Variants in CES3 observed in about 807,000 individuals in gnomAD.
The protein encoded by CES3 is carboxylesterase 3 (brain).
CES3 carries 49 observed loss-of-function variants against 57.6 expected under a neutral mutation model. The observed-to-expected ratio is 0.85, with a 90% CI of 0.68 to 1.08. The LOEUF (loss-of-function observed/expected upper bound fraction) is 1.08, where lower values mean the gene tolerates loss of function less well. Ranked by LOEUF, CES3 falls within the 50% of genes least tolerant of loss-of-function variation. The probability of loss-of-function intolerance (pLI) is 0.00; values close to 1 mark genes in which losing one functional copy is unlikely to be tolerated. For missense variants in CES3, 645 were observed against 742.0 expected (o/e 0.87, Z 1.52); for synonymous variants, 266 against 281.6 (o/e 0.94, Z 0.55).
At position 66,963,716 on chromosome 16, in the gene CES3, A is replaced by G. The variant is rs1303320758; in HGVS notation, c.427-86A>G. 2.5e-6 allele frequency: 4 copies of G among 1,612,068 alleles called. No homozygotes were observed. Among genetic ancestry groups the G allele is most frequent in the Non-Finnish European group, 3.4e-6 (4 of 1,178,810 alleles). On this transcript the variant is annotated intron_variant, in intron 3 of 12. Transcript: ENST00000303334. This position sits in a 1 kb window ranked among gnomAD's most constrained non-coding sequence, Gnocchi z 4.9. ...CCCGTCCCTGTTTCCAAAGCACCCT[A>G]GCGGTCCTGAGACTGCCTGGGCTGG...
intron 9 of CES3, 59 bp downstream of exon 9, chr16:66,969,818 C>A (rs919794210): frequency 5.5e-6 from 8 of 1,443,600 alleles, no homozygotes; most frequent in Non-Finnish European, 5.7e-6. Context: ...TAGTGGGTAT[C>A]CCATCCAACA....
At chr16:66,969,373 T>C (rs1402614732) in intron 8 of CES3, among the ~76,000 whole-genome samples, 1 of 152,182 alleles carries the variant, frequency 6.6e-6, no homozygotes, top group Admixed American at 6.5e-5. Flanking sequence ...GCCACTGCAC[T>C]CCAGCCTGGG....
chr16:66,966,549 C>T (rs1597021255), intron 7 of CES3, 176 bp from the exon 8 acceptor site: 18 of 847,892 alleles, frequency 2.1e-5, no homozygotes, highest in South Asian at 3.4e-5. Flanking sequence ...AGAAACTGGA[C>T]GCATCTGTTG....
Position 66,963,657 on chromosome 16 carries a change from C to A in CES3, c.426+28C>A. 4.3e-6 allele frequency: 7 copies of A among 1,613,854 alleles called. No individual in the cohort carries two copies. The highest frequency in any genetic ancestry group is 1.1e-5 in the South Asian group (1 of 91,086). On this transcript the variant is annotated intron_variant, in intron 3 of 12. Coordinates refer to ENST00000303334, the MANE Select transcript of CES3 (RefSeq NM_024922.6). This position sits in a 1 kb window ranked among gnomAD's most constrained non-coding sequence, Gnocchi z 4.9. ...AGGCACCCCAGAGGGCCCTGTCCAC[C>A]TGATCCAGCTCCACTATGCCTACCT...
chr16:66,973,086 T>G lies in CES3; in HGVS notation c.*37T>G. 6.3e-7 allele frequency: 1 copy of G among 1,585,128 alleles called. No individual in the cohort carries two copies. Among genetic ancestry groups the G allele is most frequent in the Non-Finnish European group, 8.6e-7 (1 of 1,158,730 alleles). On this transcript the variant is annotated 3_prime_UTR_variant, in exon 13 of 13. Transcript: ENST00000303334. ...AACCTTCTTGGCTGGGGCAAACCACTCTTCAAGTGGTGGCAGAGTCCCAGC... is the reference window on the plus strand; with the variant it reads ...AACCTTCTTGGCTGGGGCAAACCACGCTTCAAGTGGTGGCAGAGTCCCAGC...
In CES3 at chr16:66,973,515, G is replaced by C. The variant is rs1963880772; in HGVS notation, c.*466G>C. On this transcript the variant is annotated 3_prime_UTR_variant, in exon 13 of 13. Coordinates refer to ENST00000303334, the MANE Select transcript of CES3 (RefSeq NM_024922.6). ...CAGGATCGGGTGGGACCTGGAGCTA[G>C]GGGGTGTTTGCTGAGTGAGTGAGTG... is the stretch of plus-strand genomic sequence containing the variant. The C allele has an allele frequency of 6.3e-6, 1 of 157,948 alleles. No individual in the cohort carries two copies. Among genetic ancestry groups the C allele is most frequent in the South Asian group, 1.9e-4 (1 of 5,272 alleles). The allele number at this position is 157,948 out of a possible 1,614,324, so 9.8% of individuals were successfully genotyped here.
At chr16:66,969,947 G>C (rs1963802337) in intron 9 of CES3, among the ~76,000 whole-genome samples, 188 bp downstream of exon 9, 1 of 152,062 alleles carries the variant, frequency 6.6e-6, no homozygotes, top group African/African-American at 2.4e-5. Flanking sequence ...AGCCAGTGTG[G>C]TTCTCAAAGG....
At chr16:66,966,471 G>A in intron 7 of CES3, 126 bp downstream of exon 7, 1 of 974,902 alleles carries the variant, frequency 1.0e-6, no homozygotes, top group Non-Finnish European at 1.5e-6. Context: ...TGAGGGGAAG[G>A]GGCTGAGGGC....
chr16:66,967,679 AC>A (rs1963755779), intron 8 of CES3: 18 of 969,512 alleles, frequency 1.9e-5, no homozygotes, highest in Non-Finnish European at 2.2e-5. Flanking sequence ...CATTTTCTTC[AC>A]TTTTCTTTTT....
chr16:66,967,662 C>A (rs1158362865), intron 8 of CES3: 1 of 985,050 alleles, frequency 1.0e-6, no homozygotes, highest in African/African-American at 1.7e-5. Context: ...CCCATCTTCA[C>A]AGCAATCATT....
chr16:66,968,211 G>GTGCAA (rs1963768682), intron 8 of CES3, among the ~76,000 whole-genome samples: 2 of 152,158 alleles, frequency 1.3e-5, no homozygotes, highest in South Asian at 4.1e-4. Context: ...CCAGGGTGGA[G>GTGCAA]TGCAATGGCG....
intron 9 of CES3, 92 bp downstream of exon 9, chr16:66,969,851 C>A: frequency 8.8e-7 from 1 of 1,133,112 alleles, no homozygotes; most frequent in Non-Finnish European, 1.3e-6. Context: ...CCCCTACCTT[C>A]CGACACCCAC....
rs375441272 is a variant in CES3 at position 66,972,532 on chromosome 16, T to C, written c.1441+27T>C. 795 of 1,606,872 alleles carry C rather than the reference T, an allele frequency of 4.9e-4. 1 individual carries two copies. The highest frequency in any genetic ancestry group is 6.3e-4 in the Non-Finnish European group (746 of 1,175,840). ...TGAGGACAGACAGACAGACATGTGA[T>C]CCCTAGGCTGCCAGACTCCAAGGGG... On this transcript the variant is annotated intron_variant, in intron 11 of 12. Transcript: ENST00000303334.
rs766704739 is a variant in CES3, at chr16:66,963,465, G to C, written c.288-26G>C. ...TGGGGCTTGTGGGGCTGAACAGCTG[G>C]ACCTCAGGCCCACCCTTGGCCACAG... On this transcript the variant is annotated intron_variant, in intron 2 of 12. Coordinates refer to ENST00000303334, the MANE Select transcript of CES3 (RefSeq NM_024922.6). The surrounding 1 kb of genome is among the most constrained non-coding windows in gnomAD (Gnocchi z 4.9). The C allele has an allele frequency of 1.2e-6, 2 of 1,609,334 alleles. No individual in the cohort carries two copies. Among genetic ancestry groups the C allele is most frequent in the Admixed American group, 3.3e-5 (2 of 59,926 alleles).
At chr16:66,969,279 G>A (rs367865929) in intron 8 of CES3, among the ~76,000 whole-genome samples, 3 of 152,072 alleles carry the variant, frequency 2.0e-5, no homozygotes, top group East Asian at 1.9e-4. Flanking sequence ...GGTGGTGCAC[G>A]TCTGCGGTCC....
Position 66,963,448 on chromosome 16 carries a change from G to A in CES3, c.288-43G>A, listed in dbSNP as rs570317973. 1.3e-5 allele frequency: 21 copies of A among 1,609,472 alleles called. No homozygotes were observed. The highest frequency in any genetic ancestry group is 1.7e-5 in the Non-Finnish European group (20 of 1,176,404). ...CAGGAGAATCCTGCTGCTGGGGCTT[G>A]TGGGGCTGAACAGCTGGACCTCAGG... On this transcript the variant is annotated intron_variant, in intron 2 of 12. Transcript: ENST00000303334. The surrounding 1 kb of genome is among the most constrained non-coding windows in gnomAD (Gnocchi z 4.9).
chr16:66,963,057 G>T lies in CES3; in HGVS notation c.83-122G>T, dbSNP rs777836259. The T allele has an allele frequency of 5.7e-6, 6 of 1,049,590 alleles. No homozygotes were observed. Among genetic ancestry groups the T allele is most frequent in the Non-Finnish European group, 8.6e-6 (6 of 694,282 alleles). 65.0% of individuals were successfully genotyped at this position (1,049,590 alleles called of 1,614,324 possible). ...AACCTAAGACCAGGCTCACCGGCTT[G>T]CTGGGAAGGTTACCAAGATGCTGTG... is the stretch of plus-strand genomic sequence containing the variant. On this transcript the variant is annotated intron_variant, in intron 1 of 12. Transcript: ENST00000303334. The surrounding 1 kb of genome is among the most constrained non-coding windows in gnomAD (Gnocchi z 4.9).
rs373223553 is a variant in CES3, at chr16:66,973,174, G to A, written c.*125G>A. ...TCCACCAGCCCTTAAAGTGTCGGCCGCTCTGTGACTGGAGTTATGCTCTTT... is the reference window on the plus strand; with the variant it reads ...TCCACCAGCCCTTAAAGTGTCGGCCACTCTGTGACTGGAGTTATGCTCTTT... On this transcript the variant is annotated 3_prime_UTR_variant, in exon 13 of 13. Coordinates refer to ENST00000303334, the MANE Select transcript of CES3 (RefSeq NM_024922.6). 329 of 804,728 alleles carry A rather than the reference G, an allele frequency of 4.1e-4. No homozygotes were observed. The highest frequency in any genetic ancestry group is 2.9e-3 in the Middle Eastern group (8 of 2,712). The allele number at this position is 804,728 out of a possible 1,614,324, so 49.8% of individuals were successfully genotyped here. A position where few individuals can be genotyped will look rare whatever the true frequency, so the allele number is the denominator to read the frequency against.
rs781778390 is a variant in CES3 at position 66,963,742 on chromosome 16, C to G, written c.427-60C>G. The G allele has an allele frequency of 1.6e-5, 25 of 1,609,224 alleles. No homozygotes were observed. In the Middle Eastern group the frequency reaches 6.6e-4, roughly 43 times the overall value. ...GCGGTCCTGAGACTGCCTGGGCTGG[C>G]AGGTGGGCAGCTAAGGTCTCAGGAG... On this transcript the variant is annotated intron_variant, in intron 3 of 12. Coordinates refer to ENST00000303334, the MANE Select transcript of CES3 (RefSeq NM_024922.6). This position sits in a 1 kb window ranked among gnomAD's most constrained non-coding sequence, Gnocchi z 4.9.
Sources: allele counts gnomAD v4.1 joint callset (sites outside exome capture counted in the v4.1 genomes callset), GRCh38; gene constraint gnomAD v4.1.1; non-coding constraint Gnocchi (gnomAD v3.1); transcripts MANE v1.5; gene names NCBI Gene and HGNC (gene_info 2026-07-23, HGNC 2026-07-21).